Variants in PRKN observed in about 807,000 individuals in gnomAD.
PRKN encodes parkin RBR E3 ubiquitin protein ligase.
A neutral mutation model predicts 59.5 loss-of-function variants in PRKN; 56 were observed. The ratio of observed to expected loss-of-function variants is 0.94; its 90% confidence interval spans 0.76 to 1.18. The LOEUF (loss-of-function observed/expected upper bound fraction) is 1.18, where lower values mean the gene tolerates loss of function less well. Ranked by LOEUF, PRKN falls within the 50% of genes most tolerant of loss-of-function variation. The pLI is 0.00. For missense variants in PRKN, 657 were observed against 596.4 expected, an observed-to-expected ratio of 1.10 and a Z score of -1.06; for synonymous variants, 250 against 222.1, an observed-to-expected ratio of 1.13 and a Z score of -1.12.
chr6:161,487,828 T>C lies in PRKN; in HGVS notation c.1083+61026A>G, dbSNP rs1245554651. On this transcript the variant is annotated intron_variant, in intron 9 of 11. Coordinates refer to ENST00000366898, the MANE Select transcript of PRKN (RefSeq NM_004562.3). This position sits in a 1 kb window ranked among gnomAD's most constrained non-coding sequence, Gnocchi z 5.3. Reference sequence around the variant, plus strand: ...GAATTTCCCATTAATGTTCAGTGAATGAATGAATGGAATTTCCTGCCCTGC... The same window carrying C: ...GAATTTCCCATTAATGTTCAGTGAACGAATGAATGGAATTTCCTGCCCTGC... Among the ~76,000 whole-genome samples, 1 of 152,142 alleles carries C rather than the reference T, an allele frequency of 6.6e-6. No individual in the cohort carries two copies. The highest frequency in any genetic ancestry group is 2.4e-5 in the African/African-American group (1 of 41,442).
chr6:162,492,565 G>A (rs1486685040), intron 1 of PRKN, among the ~76,000 whole-genome samples: 4 of 151,958 alleles, frequency 2.6e-5, no homozygotes, highest in South Asian at 2.1e-4. Context: ...TTGGGAGGCC[G>A]AGGCAGGTGG....
At chr6:161,711,379 G>T (rs1019058252) in intron 7 of PRKN, among the ~76,000 whole-genome samples, 6 of 152,054 alleles carry the variant, frequency 3.9e-5, no homozygotes, top group East Asian at 1.9e-4. Flanking sequence ...CATATAGAAA[G>T]GTACATATAT....
At chr6:162,698,661 G>A (rs537112710) in intron 1 of PRKN, among the ~76,000 whole-genome samples, 2 of 152,244 alleles carry the variant, frequency 1.3e-5, no homozygotes, top group East Asian at 3.9e-4. Context: ...GACTTCTACA[G>A]CTCTCCACCT....
In PRKN at chr6:161,603,360, C is replaced by T. The variant is rs865948420; in HGVS notation, c.872-33944G>A. On this transcript the variant is annotated intron_variant, in intron 7 of 11. Coordinates refer to ENST00000366898, the MANE Select transcript of PRKN (RefSeq NM_004562.3). Reference sequence around the variant, plus strand: ...GAATTAGTTATATTGTTCTGAACTTCCCATGGGAATCGTCCAAATAAGGTA... The same window carrying T: ...GAATTAGTTATATTGTTCTGAACTTTCCATGGGAATCGTCCAAATAAGGTA... Among the ~76,000 whole-genome samples the T allele has an allele frequency of 4.6e-5, 7 of 152,280 alleles. No homozygotes were observed. In the East Asian group the frequency reaches 5.8e-4, roughly 13 times the overall value.
chr6:162,317,726 A>T (rs774702359), intron 2 of PRKN, among the ~76,000 whole-genome samples: 2 of 151,990 alleles, frequency 1.3e-5, no homozygotes, highest in Admixed American at 6.6e-5. Flanking sequence ...CTGAGGGTAG[A>T]GCATTGAAAA....
chr6:161,788,547 CA>C (rs1790514866), intron 6 of PRKN, among the ~76,000 whole-genome samples: 1 of 152,156 alleles, frequency 6.6e-6, no homozygotes. Flanking sequence ...ACAGCTGCAC[CA>C]GGCCACCTCA....
At chr6:161,438,392 A>G (rs1789030316) in intron 9 of PRKN, among the ~76,000 whole-genome samples, 1 of 151,498 alleles carries the variant, frequency 6.6e-6, no homozygotes, top group African/African-American at 2.4e-5. Context: ...TATTTTTTGT[A>G]TTTTTAGTAG....
chr6:161,953,253 AGG>A (rs1354420696), intron 6 of PRKN, among the ~76,000 whole-genome samples: 9 of 152,108 alleles, frequency 5.9e-5, no homozygotes, highest in African/African-American at 2.2e-4. Flanking sequence ...CTAGGACCAC[AGG>A]TGTGTGCCAC....
intron 1 of PRKN, among the ~76,000 whole-genome samples, chr6:162,700,159 T>G (rs999589929): frequency 1.3e-5 from 2 of 152,208 alleles, no homozygotes; most frequent in Non-Finnish European, 2.9e-5. Flanking sequence ...GTTGGGTTAT[T>G]GGGTAATCAT....
intron 7 of PRKN, among the ~76,000 whole-genome samples, chr6:161,735,458 G>C (rs537882658): frequency 6.6e-6 from 1 of 152,096 alleles, no homozygotes; most frequent in South Asian, 2.1e-4. Flanking sequence ...ATCCACAATA[G>C]GTGTTAGTCG....
intron 1 of PRKN, among the ~76,000 whole-genome samples, chr6:162,591,526 GA>G (rs1448400864): frequency 3.3e-5 from 5 of 151,850 alleles, no homozygotes; most frequent in African/African-American, 7.3e-5. Context: ...TTCTTGTGAA[GA>G]AAAAAATGAC....
Position 161,511,049 on chromosome 6 carries a change from G to C in PRKN, c.1083+37805C>G, listed in dbSNP as rs73591666. Among the ~76,000 whole-genome samples the C allele has an allele frequency of 5.3e-3, 807 of 152,282 alleles. 7 individuals are homozygous for C. Among genetic ancestry groups the C allele is most frequent in the African/African-American group, 0.018 (769 of 41,568 alleles). On this transcript the variant is annotated intron_variant, in intron 9 of 11. Transcript: ENST00000366898. ...CTATAGAAAATGAAGTAATCTCTTA[G>C]GGTAATGGACTCAAACTATAACAAA...
intron 1 of PRKN, among the ~76,000 whole-genome samples, chr6:162,704,334 C>T (rs1778264381): frequency 6.6e-6 from 1 of 152,130 alleles, no homozygotes; most frequent in African/African-American, 2.4e-5. Flanking sequence ...GCACTCCTCC[C>T]CAGGTACTAA....
intron 4 of PRKN, among the ~76,000 whole-genome samples, chr6:162,196,935 G>A (rs142161343): frequency 7.2e-5 from 11 of 152,214 alleles, no homozygotes; most frequent in South Asian, 4.1e-4. Flanking sequence ...AGTGGATCTC[G>A]TTGCAAACTG....
intron 9 of PRKN, among the ~76,000 whole-genome samples, chr6:161,455,117 C>T (rs1416877738): frequency 2.0e-5 from 3 of 151,450 alleles, no homozygotes; most frequent in Non-Finnish European, 4.4e-5. Context: ...CGGCTCACTG[C>T]AACCTCTGCC....
chr6:162,647,419 T>C (rs1046330982), intron 1 of PRKN, among the ~76,000 whole-genome samples: 1 of 152,084 alleles, frequency 6.6e-6, no homozygotes, highest in African/African-American at 2.4e-5. Context: ...CTCATTTTAT[T>C]TGGGTATTTT....
chr6:162,374,466 C>T (rs891142659), intron 2 of PRKN, among the ~76,000 whole-genome samples: 4 of 150,054 alleles, frequency 2.7e-5, no homozygotes, highest in East Asian at 3.9e-4. Context: ...TTGGTCTGGT[C>T]GGTTGGAGCC....
At chr6:162,429,226 A>G (rs891741952) in intron 2 of PRKN, among the ~76,000 whole-genome samples, 3 of 152,080 alleles carry the variant, frequency 2.0e-5, no homozygotes, top group African/African-American at 7.2e-5. Flanking sequence ...TCAGCAACCC[A>G]AGTTTCTTCT....
intron 7 of PRKN, among the ~76,000 whole-genome samples, chr6:161,734,341 C>T (rs572937957): frequency 4.3e-4 from 65 of 152,306 alleles, no homozygotes; most frequent in Non-Finnish European, 7.1e-4. Context: ...CTGACATCTT[C>T]CCTAGCTGTA....
Sources: gnomAD v4.1 joint callset for allele counts (sites outside exome capture counted in the v4.1 genomes callset) on GRCh38, gnomAD v4.1.1 for gene constraint, Gnocchi (gnomAD v3.1) non-coding constraint, MANE v1.5 for transcripts, NCBI Gene and HGNC (gene_info 2026-07-23, HGNC 2026-07-21) for gene names.